PGAP4: variants seen among roughly 807,000 people sequenced by gnomAD.
The protein encoded by PGAP4 is post-GPI attachment to proteins GalNAc transferase 4, also known as GPI-N-acetylgalactosamine transferase PGAP4.
PGAP4 carries 12 observed loss-of-function variants against 28.2 expected under a neutral mutation model. The observed-to-expected ratio is 0.42, with a 90% confidence interval of 0.27 to 0.69. The LOEUF (loss-of-function observed/expected upper bound fraction) is 0.69. PGAP4 is among the 30% of genes least tolerant of loss of function. The probability of loss-of-function intolerance (pLI) is 0.22; values close to 1 mark genes in which losing one functional copy is unlikely to be tolerated. For missense variants in PGAP4, 425 were observed against 513.5 expected (o/e 0.83, Z 1.67); for synonymous variants, 205 against 211.8 (o/e 0.97, Z 0.28).
intron 1 of PGAP4, among the ~76,000 whole-genome samples, chr9:101,483,336 G>A (rs1442606408): frequency 2.6e-5 from 4 of 152,136 alleles, no homozygotes; most frequent in African/African-American, 7.2e-5. Flanking sequence ...GAACACTTAT[G>A]TGCCAGGCAC....
intron 1 of PGAP4, among the ~76,000 whole-genome samples, chr9:101,480,253 A>C (rs1216507293): frequency 6.6e-6 from 1 of 152,180 alleles, no homozygotes; most frequent in Non-Finnish European, 1.5e-5. Context: ...ATAAGAACTA[A>C]GGTTTAATTC....
intron 2 of PGAP4, among the ~76,000 whole-genome samples, chr9:101,529,613 C>T (rs1423438602): frequency 6.6e-6 from 1 of 152,174 alleles, no homozygotes; most frequent in African/African-American, 2.4e-5. Flanking sequence ...TAAGCCACCT[C>T]CCTGGTCCCC....
Position 101,476,472 on chromosome 9 carries a change from G to T in PGAP4, c.621C>A (p.Val207=). 1.2e-6 allele frequency: 2 copies of T among 1,614,166 alleles called. No individual in the cohort carries two copies. The highest frequency in any genetic ancestry group is 8.5e-7 in the Non-Finnish European group (1 of 1,180,034). Residue 207 remains valine, a synonymous_variant, in exon 2 of 2, where the codon GTC becomes GTA. Transcript: ENST00000374848. This position sits in a 1 kb window ranked among gnomAD's most constrained non-coding sequence, Gnocchi z 7.0. ...GTACAGCATCGTCTTCTACCATCAG[G>T]ACGTAGTCTGGGTTGTAGGTCTGCA... The part of the protein sequence containing the change: ...SSLQTYNPDY[V]LMVEDDAVPE...
chr9:101,519,338 T>C (rs1445240732), intron 2 of PGAP4, among the ~76,000 whole-genome samples: 1 of 152,090 alleles, frequency 6.6e-6, no homozygotes, highest in East Asian at 1.9e-4. Flanking sequence ...TTTTGTATGT[T>C]AGTCGAGACG....
Position 101,475,983 on chromosome 9 carries a change from C to A in PGAP4, c.1110G>T (p.Leu370Phe). The A allele has an allele frequency of 6.2e-7, 1 of 1,614,222 alleles. No individual in the cohort carries two copies. The highest frequency in any genetic ancestry group is 8.5e-7 in the Non-Finnish European group (1 of 1,180,040). ...FGKDMALYSL[L>F]RAKGERAYVV... ...CATAGGCCCTCTCTCCCTTGGCCCTCAACAGCGAGTACAGTGCCATGTCCT... is the reference window on the plus strand; with the variant it reads ...CATAGGCCCTCTCTCCCTTGGCCCTAAACAGCGAGTACAGTGCCATGTCCT... The change falls in exon 2 of 2, where the codon TTG becomes TTT. Residue 370 changes from leucine (L) to phenylalanine (F), a missense_variant. By Grantham distance (22) the Leu-to-Phe change is conservative. Coordinates refer to ENST00000374848, the MANE Select transcript of PGAP4 (RefSeq NM_032342.3).
Position 101,475,871 on chromosome 9 carries a change from T to C in PGAP4, c.*10A>G, listed in dbSNP as rs1564090304. 3 of 1,606,144 alleles carry C rather than the reference T, an allele frequency of 1.9e-6. No individual in the cohort carries two copies. Among genetic ancestry groups the C allele is most frequent in the Middle Eastern group, 1.7e-4 (1 of 5,992 alleles). ...AAGTGGCCAACTTCAGAAAGGCATC[T>C]CTTGGCACCCTAGAGGAGACTGGGA... On this transcript the variant is annotated 3_prime_UTR_variant, in exon 2 of 2. Coordinates refer to ENST00000374848, the MANE Select transcript of PGAP4 (RefSeq NM_032342.3).
At chr9:101,497,948 T>C (rs1469929364) in intron 2 of PGAP4, among the ~76,000 whole-genome samples, 1 of 151,824 alleles carries the variant, frequency 6.6e-6, no homozygotes, top group African/African-American at 2.4e-5. Flanking sequence ...AGTTAGGGGA[T>C]AGTAATGTAA....
chr9:101,496,431 CTT>C (rs1464267996), intron 2 of PGAP4, among the ~76,000 whole-genome samples: 2 of 151,332 alleles, frequency 1.3e-5, no homozygotes, highest in Non-Finnish European at 3.0e-5. Context: ...AAAATCAAAA[CTT>C]GTAATTTTAG....
At chr9:101,523,163 T>G (rs1253390369) in intron 2 of PGAP4, among the ~76,000 whole-genome samples, 1 of 147,138 alleles carries the variant, frequency 6.8e-6, no homozygotes, top group Non-Finnish European at 1.5e-5. Context: ...TTAAGATTCT[T>G]TCCTTCGTCT....
chr9:101,476,566 C>T lies in PGAP4; in HGVS notation c.527G>A (p.Gly176Asp), dbSNP rs1826320506. The change falls in exon 2 of 2, where the codon GGT becomes GAT. Residue 176 changes from glycine (G) to aspartate (D), a missense_variant. By Grantham distance (94) the Gly-to-Asp change is moderately conservative (BLOSUM62 -1). Coordinates refer to ENST00000374848, the MANE Select transcript of PGAP4 (RefSeq NM_032342.3). This position sits in a 1 kb window ranked among gnomAD's most constrained non-coding sequence, Gnocchi z 7.0. Reference protein sequence around the residue: ...NRYEGTEDDYGDDPSTNSFEK... With the variant: ...NRYEGTEDDYDDDPSTNSFEK... ...AAACGAGTTGGTCGAAGGGTCATCA[C>T]CATAATCATCCTCAGTGCCCTCATA... 2.5e-6 allele frequency: 4 copies of T among 1,614,180 alleles called. No homozygotes were observed. The highest frequency in any genetic ancestry group is 2.5e-6 in the Non-Finnish European group (3 of 1,180,036).
At chr9:101,500,930 T>G (rs1052008816) in intron 2 of PGAP4, among the ~76,000 whole-genome samples, 3 of 152,068 alleles carry the variant, frequency 2.0e-5, no homozygotes, top group Non-Finnish European at 2.9e-5. Flanking sequence ...GGGACTGTCA[T>G]GAGAAAAAGT....
intron 1 of PGAP4, among the ~76,000 whole-genome samples, chr9:101,479,615 T>G (rs1398755148): frequency 6.6e-6 from 1 of 152,230 alleles, no homozygotes; most frequent in African/African-American, 2.4e-5. Context: ...GTGAGACTGC[T>G]GTTCTACTGA....
intron 2 of PGAP4, among the ~76,000 whole-genome samples, chr9:101,493,636 T>G (rs1588204018): frequency 6.6e-6 from 1 of 152,188 alleles, no homozygotes; most frequent in African/African-American, 2.4e-5. Flanking sequence ...GGACATAAGT[T>G]TCATTATGAT....
At chr9:101,488,369 A>T (rs73657950), upstream of PGAP4, among the ~76,000 whole-genome samples, 3,308 of 152,292 alleles carry the variant, frequency 0.022, 121 homozygotes, top group African/African-American at 0.075. Flanking sequence ...CCGAAATTGG[A>T]GGATTGTAAC....
chr9:101,479,097 GTTT>G (rs3081842), intron 1 of PGAP4, among the ~76,000 whole-genome samples: 25,315 of 152,206 alleles, frequency 0.17, 2,392 homozygotes, highest in South Asian at 0.25. Flanking sequence ...GCAAGGAGAG[GTTT>G]GAATTATGCA....
rs997282143 is a variant in PGAP4 at position 101,476,729 on chromosome 9, C to A, written c.364G>T (p.Val122Leu). ...TGAAGAAGCCGGTGGAACTGGGACA[C>A]AACCTGCAGGACGTAGTGGAAGCCA... ...QPGFHYVLQV[V>L]SQFHRLLQQC... The change falls in exon 2 of 2, where the codon GTG (valine) becomes TTG (leucine). Residue 122 changes from valine to leucine, a missense_variant. Physicochemically the swap from Val to Leu is conservative, Grantham distance 32. Transcript: ENST00000374848. This position sits in a 1 kb window ranked among gnomAD's most constrained non-coding sequence, Gnocchi z 7.0. 2.5e-6 allele frequency: 4 copies of A among 1,614,124 alleles called. No homozygotes were observed. Among genetic ancestry groups the A allele is most frequent in the Non-Finnish European group, 1.7e-6 (2 of 1,180,004 alleles).
At chr9:101,497,900 CACAA>C (rs60751105) in intron 2 of PGAP4, among the ~76,000 whole-genome samples, 1,817 of 151,796 alleles carry the variant, frequency 0.012, 34 homozygotes, top group African/African-American at 0.041. Flanking sequence ...CACATACATA[CACAA>C]ACAAAGAGCT....
chr9:101,479,761 G>T (rs2118518451), intron 1 of PGAP4: 1 of 152,330 alleles, frequency 6.6e-6, no homozygotes, highest in South Asian at 2.1e-4. Flanking sequence ...ATACGGGTTT[G>T]TGGATAGCTG....
intron 2 of PGAP4, among the ~76,000 whole-genome samples, chr9:101,525,281 G>T (rs1461775443): frequency 3.3e-5 from 5 of 152,086 alleles, no homozygotes; most frequent in African/African-American, 9.7e-5. Flanking sequence ...TTATTTACAC[G>T]TAAATAGCTG....
Sources: allele counts gnomAD v4.1 joint callset (sites outside exome capture counted in the v4.1 genomes callset), GRCh38; gene constraint gnomAD v4.1.1; non-coding constraint Gnocchi (gnomAD v3.1); transcripts MANE v1.5; gene names NCBI Gene and HGNC (gene_info 2026-07-23, HGNC 2026-07-21).